STK32B: variants seen among roughly 807,000 people sequenced by gnomAD.
STK32B encodes the protein serine/threonine kinase 32B.
A neutral mutation model predicts 52.6 loss-of-function variants in STK32B; 43 were observed. That is an observed-to-expected ratio of 0.82 (90% CI 0.64 to 1.05). The LOEUF is 1.05. Among genes scored for constraint, STK32B ranks in the 50% least tolerant of loss-of-function variants. STK32B has a pLI of 0.00. For missense variants in STK32B, 621 were observed against 534.6 expected (o/e 1.16, Z -1.59); for synonymous variants, 238 against 204.3 (o/e 1.17, Z -1.41).
intron 4 of STK32B, among the ~76,000 whole-genome samples, chr4:5,352,769 C>A (rs369137401): frequency 6.6e-6 from 1 of 151,922 alleles, no homozygotes; most frequent in African/African-American, 2.4e-5. Context: ...AATCATCATA[C>A]AAAAATCATC....
chr4:5,193,808 C>T (rs376024028), intron 3 of STK32B, among the ~76,000 whole-genome samples: 2 of 152,226 alleles, frequency 1.3e-5, no homozygotes, highest in East Asian at 1.9e-4. Context: ...AACACAAGTG[C>T]GTTTGCGGGA....
chr4:5,162,760 A>C (rs67905100), intron 2 of STK32B, among the ~76,000 whole-genome samples: 37,230 of 152,084 alleles, frequency 0.24, 4,826 homozygotes, highest in East Asian at 0.29. Context: ...AGCCCTGCCA[A>C]GGACCCCAAA....
intron 3 of STK32B, among the ~76,000 whole-genome samples, chr4:5,219,898 C>A (rs116086816): frequency 0.017 from 2,578 of 152,162 alleles, 75 homozygotes; most frequent in African/African-American, 0.058. Context: ...AGGGAGCGGA[C>A]CCTCTGGAAC....
chr4:5,036,916 T>C, the STK32B span, among the ~76,000 whole-genome samples: 26 of 152,106 alleles, frequency 1.7e-4, no homozygotes, highest in Non-Finnish European at 3.5e-4. Context: ...TCTGCCCACC[T>C]CGGCCTCCCA....
intron 4 of STK32B, among the ~76,000 whole-genome samples, chr4:5,383,360 T>C (rs1034101000): frequency 6.6e-5 from 10 of 152,264 alleles, no homozygotes; most frequent in African/African-American, 2.2e-4. Flanking sequence ...GTGACAGTCA[T>C]CCCAACCGGC....
In STK32B at chr4:5,446,699, G is replaced by A. The variant is rs868616705; in HGVS notation, c.589G>A (p.Asp197Asn). The A allele has an allele frequency of 8.1e-6, 13 of 1,613,960 alleles. No individual in the cohort carries two copies. The African/African-American group carries it at 1.1e-4, about 13-fold the overall frequency. The change falls in exon 7 of 12, where the codon GAC becomes AAC. Residue 197 changes from aspartate (D) to asparagine (N), a missense_variant. By Grantham distance (23) the Asp-to-Asn change is conservative. Transcript: ENST00000282908. Reference protein sequence around the residue: ...MAPEVFQVYMDRGPGYSYPVD... With the variant: ...MAPEVFQVYMNRGPGYSYPVD... ...TCCAGAAGTATTCCAGGTGTACATG[G>A]ACAGAGGCCCCGGATACTCGTACCC...
rs373522371 is a variant in STK32B, at chr4:5,468,469, A to G, written c.1106+399A>G. On this transcript the variant is annotated intron_variant, in intron 11 of 11. Coordinates refer to ENST00000282908, the MANE Select transcript of STK32B (RefSeq NM_018401.3). ...GCCCTGCCTGAGCCTCCTGGTCAGC[A>G]TCAGCCCAGTGGAGAGGCCTCCTTA... 7.9e-5 allele frequency among the ~76,000 whole-genome samples: 12 copies of G among 152,356 alleles called. No homozygotes were observed. The East Asian group carries it at 1.5e-3, about 20-fold the overall frequency.
At chr4:5,081,789 C>T (rs190120120) in intron 1 of STK32B, among the ~76,000 whole-genome samples, 26 of 152,200 alleles carry the variant, frequency 1.7e-4, no homozygotes, top group East Asian at 7.7e-4. Flanking sequence ...GTTTTCCTGA[C>T]GTCATTGAGT....
chr4:5,161,720 G>A (rs1530609), intron 2 of STK32B, among the ~76,000 whole-genome samples: 73,834 of 151,972 alleles, frequency 0.49, 18,285 homozygotes, highest in East Asian at 0.54. Flanking sequence ...GTGCATATTG[G>A]GTAGTAAAAA....
At chr4:5,430,397 T>C (rs985725839) in intron 6 of STK32B, among the ~76,000 whole-genome samples, 3 of 152,184 alleles carry the variant, frequency 2.0e-5, no homozygotes, top group African/African-American at 7.2e-5. Flanking sequence ...TTTGCATTTG[T>C]TTGTTTTTAG....
chr4:5,227,684 C>A (rs1560239917), intron 3 of STK32B, among the ~76,000 whole-genome samples: 1 of 152,206 alleles, frequency 6.6e-6, no homozygotes, highest in Non-Finnish European at 1.5e-5. Flanking sequence ...CAGCTTACAA[C>A]TCAATTGCAA....
intron 3 of STK32B, among the ~76,000 whole-genome samples, chr4:5,252,261 G>C (rs1219859849): frequency 2.0e-5 from 3 of 152,164 alleles, no homozygotes; most frequent in African/African-American, 7.2e-5. Flanking sequence ...GCATTATTCA[G>C]TGGCTCTCCA....
At chr4:5,198,366 A>G (rs1159088599) in intron 3 of STK32B, among the ~76,000 whole-genome samples, 1 of 152,192 alleles carries the variant, frequency 6.6e-6, no homozygotes, top group Admixed American at 6.5e-5. Context: ...TTGTAATCTG[A>G]TGGGGCATGG....
At chr4:5,320,251 A>G (rs895038732) in intron 3 of STK32B, among the ~76,000 whole-genome samples, 2 of 152,094 alleles carry the variant, frequency 1.3e-5, no homozygotes, top group African/African-American at 4.8e-5. Flanking sequence ...CCCTCCCATG[A>G]TAGGGCCTGG....
In STK32B at chr4:5,495,346, C is replaced by T. The variant is rs528964281; in HGVS notation, c.1107-3599C>T. Among the ~76,000 whole-genome samples the T allele has an allele frequency of 5.9e-5, 9 of 152,256 alleles. No homozygotes were observed. The South Asian group carries it at 1.9e-3, about 32-fold the overall frequency. The stretch of plus-strand genomic sequence containing the variant: ...TCAGTTCATGTTCCATCGCTGATAC[C>T]ATTTCTTCCAGTTGATCTCATTGGC... On this transcript the variant is annotated intron_variant, in intron 11 of 11. Transcript: ENST00000282908.
intron 4 of STK32B, among the ~76,000 whole-genome samples, chr4:5,338,251 T>C (rs916891614): frequency 6.6e-6 from 1 of 151,970 alleles, no homozygotes; most frequent in African/African-American, 2.4e-5. Context: ...CACAGCAAAA[T>C]GAAGAGGAGA....
chr4:5,137,902 A>T (rs1310795609), intron 1 of STK32B, among the ~76,000 whole-genome samples: 1 of 151,226 alleles, frequency 6.6e-6, no homozygotes, highest in Non-Finnish European at 1.5e-5. Flanking sequence ...GGGAAACAGC[A>T]GCATGAAGAT....
chr4:5,370,996 G>GTA (rs1553879921), intron 4 of STK32B, among the ~76,000 whole-genome samples: 1,778 of 141,100 alleles, frequency 0.013, 22 homozygotes, highest in Non-Finnish European at 0.02. Flanking sequence ...GTGTGTGTGT[G>GTA]TATATATATA....
chr4:5,344,636 C>A (rs1354540833), intron 4 of STK32B, among the ~76,000 whole-genome samples: 3 of 151,874 alleles, frequency 2.0e-5, no homozygotes, highest in African/African-American at 4.8e-5. Context: ...GAATTATGAA[C>A]CTTATCTGAG....
Sources: allele counts gnomAD v4.1 joint callset (sites outside exome capture counted in the v4.1 genomes callset), GRCh38; gene constraint gnomAD v4.1.1; transcripts MANE v1.5; gene names NCBI Gene and HGNC (gene_info 2026-07-23, HGNC 2026-07-21).